PRORP: variants seen among roughly 807,000 people sequenced by gnomAD.
PRORP encodes the protein mitochondrial ribonuclease P catalytic subunit.
A neutral mutation model predicts 59.4 loss-of-function variants in PRORP; 51 were observed. That is an observed-to-expected ratio of 0.86 (90% CI 0.69 to 1.08). The LOEUF (loss-of-function observed/expected upper bound fraction) is 1.08, where lower values mean the gene tolerates loss of function less well. PRORP is among the 50% of genes least tolerant of loss of function. The pLI, the probability that PRORP is intolerant of heterozygous loss-of-function variation, is 0.00. For missense variants in PRORP, 646 were observed against 690.3 expected, an observed-to-expected ratio of 0.94 and a Z score of 0.72; for synonymous variants, 231 against 245.6, an observed-to-expected ratio of 0.94 and a Z score of 0.55.
chr14:35,252,762 T>C (rs757473132), intron 5 of PRORP, among the ~76,000 whole-genome samples: 18 of 152,116 alleles, frequency 1.2e-4, no homozygotes, highest in Admixed American at 6.6e-5. Context: ...ACAGAAAATA[T>C]CAGGATGAAT....
intron 5 of PRORP, among the ~76,000 whole-genome samples, chr14:35,253,709 C>G (rs982861285): frequency 3.9e-5 from 6 of 152,178 alleles, no homozygotes; most frequent in African/African-American, 1.2e-4. Flanking sequence ...TCTTATCTGA[C>G]ATGGTGTCCC....
At chr14:35,260,281 A>C (rs921487714) in intron 5 of PRORP, among the ~76,000 whole-genome samples, 3 of 152,204 alleles carry the variant, frequency 2.0e-5, no homozygotes, top group Non-Finnish European at 4.4e-5. Flanking sequence ...GAAAGAAAAA[A>C]TAAAATTAAA....
At chr14:35,140,946 A>T (rs1323665147) in intron 4 of PRORP, among the ~76,000 whole-genome samples, 1 of 146,372 alleles carries the variant, frequency 6.8e-6, no homozygotes, top group Non-Finnish European at 1.5e-5. Context: ...TATTCTAGGT[A>T]TGACCAAGTC....
intron 4 of PRORP, chr14:35,144,544 G>A (rs371282190): frequency 9.6e-5 from 14 of 146,036 alleles, no homozygotes; most frequent in African/African-American, 3.2e-4. Context: ...GTCTGTTGTG[G>A]TATGGTATGG....
At chr14:35,138,637 T>C (rs1033574268) in intron 4 of PRORP, among the ~76,000 whole-genome samples, 2 of 145,410 alleles carry the variant, frequency 1.4e-5, no homozygotes, top group African/African-American at 2.4e-5. Flanking sequence ...TTATAAAAGT[T>C]ATTTTAGGCT....
chr14:35,237,934 A>G (rs911341730), intron 5 of PRORP, among the ~76,000 whole-genome samples: 3 of 152,290 alleles, frequency 2.0e-5, no homozygotes, highest in South Asian at 2.1e-4. Context: ...GATTACAGGC[A>G]TGAGCCACCG....
intron 5 of PRORP, among the ~76,000 whole-genome samples, chr14:35,182,904 A>G (rs1338088775): frequency 6.6e-6 from 1 of 152,200 alleles, no homozygotes; most frequent in Non-Finnish European, 1.5e-5. Flanking sequence ...ACTAGTACAT[A>G]AAGAAATGTA....
At position 35,137,908 on chromosome 14, in the gene PRORP, T is replaced by G. The variant is rs555499640; in HGVS notation, c.1167+10297T>G. 3.4e-5 allele frequency among the ~76,000 whole-genome samples: 5 copies of G among 145,804 alleles called. 1 individual carries two copies. The highest frequency in any genetic ancestry group is 1.2e-4 in the African/African-American group (5 of 41,158). ...CTGGTTGTCTCTTCGTGCATGTACA[T>G]GTGTGTGTTGGTTTTGTTTTGGTTG... On this transcript the variant is annotated intron_variant, in intron 4 of 7. Coordinates refer to ENST00000534898, the MANE Select transcript of PRORP (RefSeq NM_014672.4).
chr14:35,172,942 A>G (rs1187740068), intron 4 of PRORP, among the ~76,000 whole-genome samples: 2 of 150,538 alleles, frequency 1.3e-5, no homozygotes, highest in Non-Finnish European at 2.9e-5. Context: ...ATCTTGGCTC[A>G]CTGCAACCTT....
At position 35,264,379 on chromosome 14, in the gene PRORP, C is replaced by T. The variant is rs562674256; in HGVS notation, c.1276-2348C>T. Among the ~76,000 whole-genome samples the T allele has an allele frequency of 1.5e-3, 235 of 151,956 alleles. 2 individuals are homozygous for T. The highest frequency in any genetic ancestry group is 5.5e-3 in the African/African-American group (230 of 41,466). On this transcript the variant is annotated intron_variant, in intron 5 of 7. Coordinates refer to ENST00000534898, the MANE Select transcript of PRORP (RefSeq NM_014672.4). ...TCAAGTGATCTGCCCACCTTGGCCT[C>T]CCAAGGTGCTGGGATTACAGGTGAG...
At chr14:35,124,924 A>G (rs114891038) in intron 2 of PRORP, among the ~76,000 whole-genome samples, 95 of 149,708 alleles carry the variant, frequency 6.3e-4, no homozygotes, top group African/African-American at 2.2e-3. Flanking sequence ...CTAGAGTGCA[A>G]TGGCATGATC....
intron 4 of PRORP, among the ~76,000 whole-genome samples, chr14:35,156,409 T>C (rs1250347563): frequency 6.6e-6 from 1 of 152,246 alleles, no homozygotes; most frequent in East Asian, 1.9e-4. Flanking sequence ...TGGATTGAGC[T>C]ACCTACAGGG....
intron 4 of PRORP, among the ~76,000 whole-genome samples, chr14:35,150,813 A>AG (rs543667016): frequency 4.9e-4 from 74 of 152,186 alleles, no homozygotes; most frequent in African/African-American, 1.6e-3. Context: ...GGCTGATCTG[A>AG]GGGGGGTGCT....
intron 4 of PRORP, among the ~76,000 whole-genome samples, chr14:35,169,305 AGTGTGTGTCT>A (rs2048258492): frequency 6.6e-6 from 1 of 151,714 alleles, no homozygotes; most frequent in African/African-American, 2.4e-5. Context: ...TTTTTGTTTA[AGTGTGTGTCT>A]GTGTGTATAT....
intron 5 of PRORP, among the ~76,000 whole-genome samples, chr14:35,202,595 G>A (rs755653976): frequency 6.6e-6 from 1 of 152,040 alleles, no homozygotes; most frequent in East Asian, 1.9e-4. Flanking sequence ...TGTCTCATGC[G>A]ATCAAAAGGT....
intron 5 of PRORP, among the ~76,000 whole-genome samples, chr14:35,241,116 G>A (rs943857455): frequency 1.3e-5 from 2 of 152,128 alleles, no homozygotes; most frequent in African/African-American, 4.8e-5. Flanking sequence ...AGTGGCTCAC[G>A]CCTGTAATCC....
At chr14:35,188,191 ATTT>A (rs35907061) in intron 5 of PRORP, among the ~76,000 whole-genome samples, 1 of 111,014 alleles carries the variant, frequency 9.0e-6, no homozygotes, top group Admixed American at 9.8e-5. Flanking sequence ...TTGAGTTGTA[ATTT>A]TTTTTTTTTT....
rs1282061947 is a variant in PRORP, at chr14:35,182,883, GACATAGTA to G, written c.1275+2110_1275+2117del. On this transcript the variant is annotated intron_variant, in intron 5 of 7. Transcript: ENST00000534898. Reference sequence around the variant, plus strand: ...TACTGAAATTCTGCTTTTAGGAACTGACATAGTAACACTAGTACATAAAGAAATGTATT... The same window carrying G: ...TACTGAAATTCTGCTTTTAGGAACTGACACTAGTACATAAAGAAATGTATT... Among the ~76,000 whole-genome samples, 6 of 152,194 alleles carry G rather than the reference GACATAGTA, an allele frequency of 3.9e-5. No individual in the cohort carries two copies. The East Asian group carries it at 1.2e-3, about 29-fold the overall frequency.
At chr14:35,173,960 A>G (rs959120518) in intron 4 of PRORP, among the ~76,000 whole-genome samples, 38 of 151,984 alleles carry the variant, frequency 2.5e-4, no homozygotes, top group African/African-American at 9.2e-4. Flanking sequence ...GTCAGATGGA[A>G]CACTTACATA....
Sources: allele counts gnomAD v4.1 joint callset (sites outside exome capture counted in the v4.1 genomes callset), GRCh38; gene constraint gnomAD v4.1.1; transcripts MANE v1.5; gene names NCBI Gene and HGNC (gene_info 2026-07-23, HGNC 2026-07-21).